KLF13: variants seen among roughly 807,000 people sequenced by gnomAD.
KLF13 encodes the protein KLF transcription factor 13, also known as Krueppel-like factor 13.
KLF13 carries 8 observed loss-of-function variants against 16.7 expected under a neutral mutation model. The observed-to-expected ratio is 0.48, with a 90% CI of 0.28 to 0.87. The LOEUF is 0.87. Among genes scored for constraint, KLF13 ranks in the 40% least tolerant of loss-of-function variants. The pLI is 0.10. For missense variants in KLF13, 447 were observed against 452.2 expected (o/e 0.99, Z 0.10); for synonymous variants, 245 against 208.4 (o/e 1.18, Z -1.51).
At chr15:31,419,947 G>A (rs960440720) in intron 1 of KLF13, among the ~76,000 whole-genome samples, 1 of 152,108 alleles carries the variant, frequency 6.6e-6, no homozygotes, top group African/African-American at 2.4e-5. Flanking sequence ...CAAGAGAAAA[G>A]CCACTTGTAT....
At chr15:31,351,661 A>G (rs1566812604) in intron 1 of KLF13, among the ~76,000 whole-genome samples, 2 of 152,198 alleles carry the variant, frequency 1.3e-5, no homozygotes, top group African/African-American at 4.8e-5. Context: ...AAGGCATGAG[A>G]GCGCCCAGGT....
chr15:31,389,111 TCTC>T (rs1429469404), upstream of KLF13, among the ~76,000 whole-genome samples: 2 of 152,024 alleles, frequency 1.3e-5, no homozygotes, highest in Non-Finnish European at 2.9e-5. Context: ...AAGATCAGCT[TCTC>T]CTCTTTCTTC....
chr15:31,420,427 A>G (rs1236875720), intron 1 of KLF13: 1 of 1,053,902 alleles, frequency 9.5e-7, no homozygotes, highest in African/African-American at 1.6e-5. Flanking sequence ...AGTTCCTCAC[A>G]TCCTGCTACC....
At chr15:31,328,732 C>G (rs1197228087) in intron 1 of KLF13, among the ~76,000 whole-genome samples, 1 of 152,194 alleles carries the variant, frequency 6.6e-6, no homozygotes, top group Non-Finnish European at 1.5e-5. Context: ...TCATCTGTGG[C>G]GGTTCCCTCC....
Position 31,327,312 on chromosome 15 carries a change from C to G in KLF13, c.100C>G (p.Arg34Gly). ...CGGGCCGCGGGAGGGGCCGGAGTCC[C>G]GGCCCGAGGGCGCGGCCGTGGCCGC... ...VHGPREGPES[R>G]PEGAAVAATP... The change falls in exon 1 of 2, where the codon CGG becomes GGG. Residue 34 changes from arginine to glycine, a missense_variant. Physicochemically the swap from Arg to Gly is moderately radical, Grantham distance 125 (BLOSUM62 -2). Coordinates refer to ENST00000307145, the MANE Select transcript of KLF13 (RefSeq NM_015995.4). 1 of 1,289,994 alleles carries G rather than the reference C, an allele frequency of 7.8e-7. No individual in the cohort carries two copies. The highest frequency in any genetic ancestry group is 2.2e-5 in the South Asian group (1 of 45,294). The allele number at this position is 1,289,994 out of a possible 1,614,324, so 79.9% of individuals were successfully genotyped here. A position where few individuals can be genotyped will look rare whatever the true frequency, so the allele number is the denominator to read the frequency against.
chr15:31,393,752 T>C (rs2039910406), intron 2 of KLF13: 10 of 152,330 alleles, frequency 6.6e-5, no homozygotes. Context: ...CCAGGCATCG[T>C]TCTGAGTGCT....
At chr15:31,351,486 G>A (rs529564939) in intron 1 of KLF13, among the ~76,000 whole-genome samples, 54 of 152,156 alleles carry the variant, frequency 3.5e-4, no homozygotes, top group African/African-American at 1.3e-3. Flanking sequence ...TGGTTGCCCC[G>A]TGTGCGCTTG....
At chr15:31,433,020 G>A (rs34959140) in intron 1 of KLF13, among the ~76,000 whole-genome samples, 7,629 of 152,256 alleles carry the variant, frequency 0.05, 293 homozygotes, top group East Asian at 0.12. Flanking sequence ...CTCCAGCCTG[G>A]GCGACAGAGC....
chr15:31,398,181 G>C (rs2039982001), intron 2 of KLF13, among the ~76,000 whole-genome samples: 1 of 152,176 alleles, frequency 6.6e-6, no homozygotes, highest in South Asian at 2.1e-4. Flanking sequence ...TGCTCGGGCG[G>C]GGCCTTAATT....
At chr15:31,335,479 G>GTGTGTGT (rs1555373645) in intron 1 of KLF13, among the ~76,000 whole-genome samples, 5 of 139,648 alleles carry the variant, frequency 3.6e-5, no homozygotes, top group Non-Finnish European at 6.4e-5. Context: ...GTGTGTGTAT[G>GTGTGTGT]GTGGCGGGGC....
intron 1 of KLF13, among the ~76,000 whole-genome samples, chr15:31,420,969 A>G (rs1205668818): frequency 6.6e-6 from 1 of 152,180 alleles, no homozygotes; most frequent in Non-Finnish European, 1.5e-5. Context: ...TTGGGATTAC[A>G]GGCATGAGCC....
chr15:31,424,875 T>TCACA (rs71110875), intron 1 of KLF13, among the ~76,000 whole-genome samples: 6,803 of 146,256 alleles, frequency 0.047, 265 homozygotes, highest in African/African-American at 0.098. Context: ...TCTAGAGATT[T>TCACA]CACACACACA....
At chr15:31,411,737 T>A (rs948838595) in intron 1 of KLF13, among the ~76,000 whole-genome samples, 4 of 152,118 alleles carry the variant, frequency 2.6e-5, no homozygotes, top group Non-Finnish European at 4.4e-5. Context: ...GAAAACCATA[T>A]GATTATAGAA....
chr15:31,414,464 T>C lies in KLF13; in HGVS notation n.117+20773T>C, dbSNP rs191812066. Among the ~76,000 whole-genome samples the C allele has an allele frequency of 2.8e-3, 430 of 152,322 alleles. 1 individual carries two copies. The highest frequency in any genetic ancestry group is 2.9e-3 in the Non-Finnish European group (200 of 68,016). On this transcript the variant is annotated intron_variant and non_coding_transcript_variant, in intron 1 of 1. Transcript: ENST00000558225. ...AAAAAACATGCTTCTACTTACTATA[T>C]GTTGTCTGCAAGAAAGACACTTTTA...
chr15:31,409,512 G>C (rs1034071414), downstream of KLF13, among the ~76,000 whole-genome samples: 1 of 151,810 alleles, frequency 6.6e-6, no homozygotes, highest in African/African-American at 2.4e-5. Context: ...AGGAAAGAAA[G>C]AGAGAGAAAG....
chr15:31,384,586 CTT>C, intron 1 of KLF13, among the ~76,000 whole-genome samples: 1 of 152,310 alleles, frequency 6.6e-6, no homozygotes, highest in Non-Finnish European at 1.5e-5. Flanking sequence ...CACAATAGCA[CTT>C]TTGTGAGGCT....
chr15:31,388,475 G>A (rs1431996847), upstream of KLF13, among the ~76,000 whole-genome samples: 1 of 151,894 alleles, frequency 6.6e-6, no homozygotes, highest in Admixed American at 6.6e-5. Context: ...TTAGCCGGGT[G>A]CGGTGGTGCG....
rs541262493 is a variant in KLF13, at chr15:31,395,082, C to T, written n.529+1391C>T. 9.2e-5 allele frequency among the ~76,000 whole-genome samples: 14 copies of T among 152,232 alleles called. No homozygotes were observed. In the South Asian group the frequency reaches 1.0e-3, roughly 11 times the overall value. On this transcript the variant is annotated intron_variant and non_coding_transcript_variant, in intron 2 of 2. Transcript: ENST00000500533. ...GCAACCTCCACCTCCTGGATTCAAG[C>T]GATTCTCCTGTCTCAGCCTCCTGAG... is the stretch of plus-strand genomic sequence containing the variant.
At chr15:31,414,814 G>T (rs2040236510) in intron 1 of KLF13, among the ~76,000 whole-genome samples, 1 of 152,132 alleles carries the variant, frequency 6.6e-6, no homozygotes. Context: ...AGAAGTAGAA[G>T]AAGACTTGAA....
Sources: allele counts gnomAD v4.1 joint callset (sites outside exome capture counted in the v4.1 genomes callset), GRCh38; gene constraint gnomAD v4.1.1; transcripts MANE v1.5; gene names NCBI Gene and HGNC (gene_info 2026-07-23, HGNC 2026-07-21).